Variants in TECTA observed in about 807,000 individuals in gnomAD.
The protein encoded by TECTA is tectorin alpha.
In TECTA, 128 loss-of-function variants were observed where a neutral mutation model predicts 216.8. The ratio of observed to expected loss-of-function variants is 0.59; its 90% confidence interval spans 0.51 to 0.68. The LOEUF (loss-of-function observed/expected upper bound fraction) is 0.68. Ranked by LOEUF, TECTA falls within the 30% of genes least tolerant of loss-of-function variation. The probability of loss-of-function intolerance (pLI) is 0.00; values close to 1 mark genes in which losing one functional copy is unlikely to be tolerated. For synonymous variants in TECTA, 1,089 were observed against 1,117.1 expected, an observed-to-expected ratio of 0.97 and a Z score of 0.50; for missense variants, 2,551 against 2,786.2, an observed-to-expected ratio of 0.92 and a Z score of 1.90.
At chr11:121,169,743 T>A (rs1365633010) in intron 20 of TECTA, among the ~76,000 whole-genome samples, 2 of 152,204 alleles carry the variant, frequency 1.3e-5, no homozygotes, top group Non-Finnish European at 2.9e-5. Flanking sequence ...AATGTATTGA[T>A]ACATTTACAT....
At chr11:121,155,728 C>A (rs1280450593) in intron 13 of TECTA, among the ~76,000 whole-genome samples, 2 of 152,154 alleles carry the variant, frequency 1.3e-5, no homozygotes, top group Non-Finnish European at 2.9e-5. Flanking sequence ...GTCGATAATG[C>A]ATTGAGTGCC....
chr11:121,104,377 C>T (rs1591434156), intron 2 of TECTA, among the ~76,000 whole-genome samples: 2 of 152,106 alleles, frequency 1.3e-5, no homozygotes, highest in East Asian at 3.9e-4. Flanking sequence ...GTGCCTATGA[C>T]CCGACACAGC....
intron 10 of TECTA, among the ~76,000 whole-genome samples, chr11:121,134,411 G>A (rs1565525671): frequency 6.6e-6 from 1 of 151,516 alleles, no homozygotes; most frequent in Non-Finnish European, 1.5e-5. Context: ...CATGTGGAGA[G>A]CTTAGTGGTT....
Position 121,130,222 on chromosome 11 carries a change from G to A in TECTA, c.2941+11G>A. ...CCTATGACTTCTGCCGTAAGTTGGG[G>A]TTGGATTCTGGGAGAGGCTTTCTAG... is the stretch of plus-strand genomic sequence containing the variant. On this transcript the variant is annotated intron_variant, in intron 10 of 23. Transcript: ENST00000392793. The A allele has an allele frequency of 6.3e-7, 1 of 1,599,534 alleles. No individual in the cohort carries two copies. The highest frequency in any genetic ancestry group is 8.5e-7 in the Non-Finnish European group (1 of 1,179,824).
chr11:121,182,067 G>T (rs1174168311), intron 20 of TECTA, among the ~76,000 whole-genome samples: 5 of 152,238 alleles, frequency 3.3e-5, no homozygotes, highest in Non-Finnish European at 7.3e-5. Context: ...GTGAGGCTTT[G>T]CTGGGGACAG....
rs1039895969 is a variant in TECTA at position 121,113,447 on chromosome 11, G to A, written c.625-106G>A. 3.2e-5 allele frequency: 49 copies of A among 1,525,918 alleles called. 1 individual carries two copies. The highest frequency in any genetic ancestry group is 1.7e-4 in the South Asian group (15 of 88,476). The allele number at this position is 1,525,918 out of a possible 1,614,324, so 94.5% of individuals were successfully genotyped here. On this transcript the variant is annotated intron_variant, in intron 5 of 23. Transcript: ENST00000392793. The surrounding 1 kb of genome is among the most constrained non-coding windows in gnomAD (Gnocchi z 4.2). ...GGCCCCAGTGACTCCAGGAAAAGAC[G>A]GCTCTTGATTTTAGAGGTGCTGGAT...
chr11:121,133,698 T>C (rs1414148547), intron 10 of TECTA, among the ~76,000 whole-genome samples: 1 of 152,232 alleles, frequency 6.6e-6, no homozygotes, highest in Non-Finnish European at 1.5e-5. Flanking sequence ...GCATCTCCAC[T>C]CAGCCTCCCG....
At chr11:121,112,693 G>A (rs548896571) in intron 4 of TECTA, among the ~76,000 whole-genome samples, 6 of 152,314 alleles carry the variant, frequency 3.9e-5, no homozygotes, top group African/African-American at 1.4e-4. Context: ...GGAACCGGTG[G>A]TTGCATCCTG....
intron 20 of TECTA, among the ~76,000 whole-genome samples, chr11:121,175,469 C>T (rs1462384616): frequency 6.6e-6 from 1 of 152,150 alleles, no homozygotes; most frequent in Non-Finnish European, 1.5e-5. Flanking sequence ...CGTTCAGGAG[C>T]AGGTTGTTCA....
Position 121,145,857 on chromosome 11 carries a change from G to T in TECTA, c.3846G>T (p.Gly1282=). 1 of 1,614,234 alleles carries T rather than the reference G, an allele frequency of 6.2e-7. No individual in the cohort carries two copies. The highest frequency in any genetic ancestry group is 1.1e-5 in the South Asian group (1 of 91,090). Residue 1282 remains glycine (G), a synonymous_variant, in exon 12 of 24, where the codon GGG becomes GGT. Transcript: ENST00000392793. ...KRDTFCQVGC[G]DRCPSCAKVE... Reference sequence around the variant, plus strand: ...ACACCTTCTGCCAGGTGGGCTGTGGGGACCGCTGTCCGTCCTGTGCCAAGG... The same window carrying T: ...ACACCTTCTGCCAGGTGGGCTGTGGTGACCGCTGTCCGTCCTGTGCCAAGG...
intron 10 of TECTA, among the ~76,000 whole-genome samples, chr11:121,136,349 G>T (rs2135094024): frequency 6.6e-6 from 1 of 152,266 alleles, no homozygotes; most frequent in Non-Finnish European, 1.5e-5. Context: ...GGCTTTGTGG[G>T]TGGGGGGCTG....
intron 23 of TECTA, chr11:121,190,215 C>G (rs1947328064): frequency 2.7e-6 from 1 of 377,062 alleles, no homozygotes; most frequent in Non-Finnish European, 5.1e-6. Context: ...ATGCTTCCTC[C>G]AGCAAACAAG....
intron 20 of TECTA, among the ~76,000 whole-genome samples, chr11:121,182,781 G>A (rs1453794388): frequency 6.6e-6 from 1 of 152,106 alleles, no homozygotes; most frequent in Non-Finnish European, 1.5e-5. Context: ...ACCCCTGGAA[G>A]ATGTGTATGG....
At chr11:121,189,942 A>G (rs1947325852) in intron 23 of TECTA, 62 bp downstream of exon 23, 2 of 1,404,966 alleles carry the variant, frequency 1.4e-6, no homozygotes, top group East Asian at 4.6e-5. Flanking sequence ...TTACCACCAG[A>G]AGGAGAAATT....
At chr11:121,186,367 T>G (rs1430618129) in intron 20 of TECTA, among the ~76,000 whole-genome samples, 1 of 152,234 alleles carries the variant, frequency 6.6e-6, no homozygotes, top group Non-Finnish European at 1.5e-5. Flanking sequence ...GGCAGGTGTT[T>G]CATTGTTAAT....
rs572552557 is a variant in TECTA, at chr11:121,165,078, T to G, written c.5273-195T>G. Among the ~76,000 whole-genome samples the G allele has an allele frequency of 2.1e-4, 32 of 152,332 alleles. 2 individuals are homozygous for G. The South Asian group carries it at 6.6e-3, about 32-fold the overall frequency. The stretch of plus-strand genomic sequence containing the variant: ...TATTTGTGAGGGTCAAAGAAGCTAA[T>G]CCAGGCCCACAGCAAGCACCTATGT... On this transcript the variant is annotated intron_variant, in intron 16 of 23. Transcript: ENST00000392793.
In TECTA at chr11:121,190,796, C is replaced by T. The variant is rs146965680; in HGVS notation, c.6458C>T (p.Thr2153Met). ...SLWHFVYKSG[T>M]TS ...TGGCATTTTGTCTATAAATCAGGCA[C>T]GACCTCATAATTAACTCAAGGTTGC... Residue 2153 changes from threonine (T) to methionine (M), a missense_variant, in exon 24 of 24, where the codon ACG becomes ATG. Thr to Met is a moderately conservative substitution (Grantham distance 81). Coordinates refer to ENST00000392793, the MANE Select transcript of TECTA (RefSeq NM_005422.4). 1.3e-3 allele frequency: 2,086 copies of T among 1,611,030 alleles called. 23 individuals are homozygous for T. The South Asian group carries it at 0.02, about 15-fold the overall frequency.
At chr11:121,182,338 T>TG (rs1947238499) in intron 20 of TECTA, among the ~76,000 whole-genome samples, 1 of 148,848 alleles carries the variant, frequency 6.7e-6, no homozygotes, top group Non-Finnish European at 1.5e-5. Flanking sequence ...GTGGTGGTGG[T>TG]GGTGGGCCAG....
intron 6 of TECTA, among the ~76,000 whole-genome samples, chr11:121,114,136 C>T (rs985197864): frequency 1.1e-4 from 17 of 152,028 alleles, no homozygotes; most frequent in African/African-American, 4.1e-4. Context: ...TGTAGATCTA[C>T]AGGAATGGGT....
Sources: allele counts gnomAD v4.1 joint callset (sites outside exome capture counted in the v4.1 genomes callset), GRCh38; gene constraint gnomAD v4.1.1; non-coding constraint Gnocchi (gnomAD v3.1); transcripts MANE v1.5; gene names NCBI Gene and HGNC (gene_info 2026-07-23, HGNC 2026-07-21).